Variants in EGR1 observed in about 807,000 individuals in gnomAD.
The protein encoded by EGR1 is early growth response 1.
Under a neutral mutation model 30.2 loss-of-function variants are expected in EGR1, and 8 were observed. The observed-to-expected ratio is 0.26, with a 90% CI of 0.16 to 0.48. EGR1 has a LOEUF of 0.48. EGR1 is among the 20% of genes least tolerant of loss of function. EGR1 has a pLI of 0.99. For synonymous variants in EGR1, 334 were observed against 312.8 expected, an observed-to-expected ratio of 1.07 and a Z score of -0.72; for missense variants, 568 against 732.3, an observed-to-expected ratio of 0.78 and a Z score of 2.59.
At chr5:138,466,098 C>G (rs773555312) in intron 1 of EGR1, 30 bp downstream of exon 1, 1 of 1,520,712 alleles carries the variant, frequency 6.6e-7, no homozygotes, top group African/African-American at 1.4e-5. Flanking sequence ...GAGGGGGAAC[C>G]CTTTCGCCAC....
In EGR1 at chr5:138,467,432, C is replaced by T; in HGVS notation, c.983C>T (p.Pro328Leu). 6.2e-7 allele frequency: 1 copy of T among 1,614,200 alleles called. No homozygotes were observed. The highest frequency in any genetic ancestry group is 8.5e-7 in the Non-Finnish European group (1 of 1,180,054). Reference sequence around the variant, plus strand: ...CGCATGCGCAAGTACCCCAACCGGCCCAGCAAGACGCCCCCCCACGAACGC... The same window carrying T: ...CGCATGCGCAAGTACCCCAACCGGCTCAGCAAGACGCCCCCCCACGAACGC... Reference protein sequence around the residue: ...PSRMRKYPNRPSKTPPHERPY... With the variant: ...PSRMRKYPNRLSKTPPHERPY... Residue 328 changes from proline (P) to leucine (L), a missense_variant, in exon 2 of 2, where the codon CCC (proline) becomes CTC (leucine). Pro to Leu is a moderately conservative substitution (Grantham distance 98). Transcript: ENST00000239938. This position sits in a 1 kb window ranked among gnomAD's most constrained non-coding sequence, Gnocchi z 8.3.
rs888426996 is a variant in EGR1 at position 138,465,565 on chromosome 5, C to A, written c.-197C>A. 5 of 429,880 alleles carry A rather than the reference C, an allele frequency of 1.2e-5. No individual in the cohort carries two copies. Among genetic ancestry groups the A allele is most frequent in the Non-Finnish European group, 1.9e-5 (5 of 265,020 alleles). 26.6% of individuals were successfully genotyped at this position (429,880 alleles called of 1,614,324 possible). A position where few individuals can be genotyped will look rare whatever the true frequency, so the allele number is the denominator to read the frequency against. On this transcript the variant is annotated 5_prime_UTR_variant, in exon 1 of 2. Coordinates refer to ENST00000239938, the MANE Select transcript of EGR1 (RefSeq NM_001964.3). ...TCCGCCGCCGCAGGACCGGCCCCTG[C>A]CCCAGCCTCCGCAGCCGCGGCGCGT...
At position 138,468,231 on chromosome 5, in the gene EGR1, G is replaced by C. The variant is rs1467187635; in HGVS notation, c.*150G>C. 6.7e-7 allele frequency: 1 copy of C among 1,491,104 alleles called. No individual in the cohort carries two copies. Among genetic ancestry groups the C allele is most frequent in the Non-Finnish European group, 9.0e-7 (1 of 1,108,028 alleles). 92.4% of individuals were successfully genotyped at this position (1,491,104 alleles called of 1,614,324 possible). A position where few individuals can be genotyped will look rare whatever the true frequency, so the allele number is the denominator to read the frequency against. On this transcript the variant is annotated 3_prime_UTR_variant, in exon 2 of 2. Transcript: ENST00000239938. ...GTCCTCCCTCTCTACTGGAGTGGAA[G>C]GTCTATTGGCCAACAATCCTTTCTG...
At position 138,468,329 on chromosome 5, in the gene EGR1, C is replaced by T. The variant is rs1229617204; in HGVS notation, c.*248C>T. The T allele has an allele frequency of 4.0e-6, 3 of 758,396 alleles. No individual in the cohort carries two copies. The highest frequency in any genetic ancestry group is 6.7e-6 in the Non-Finnish European group (3 of 449,678). The allele number at this position is 758,396 out of a possible 1,614,324, so 47.0% of individuals were successfully genotyped here. ...GAAACAGCCATGTCCAAGTTCTTCA[C>T]CTCTATCCAAAGAACTTGATTTGCA... On this transcript the variant is annotated 3_prime_UTR_variant, in exon 2 of 2. Coordinates refer to ENST00000239938, the MANE Select transcript of EGR1 (RefSeq NM_001964.3).
chr5:138,466,612 A>G (rs1764161368), intron 1 of EGR1, 145 bp from the exon 2 acceptor site: 2 of 922,482 alleles, frequency 2.2e-6, no homozygotes, highest in Admixed American at 2.3e-5. Flanking sequence ...GTCCAGGAAC[A>G]TTGCAATGTG....
chr5:138,469,176 A>G lies in EGR1; in HGVS notation c.*1095A>G, dbSNP rs34219635. The G allele has an allele frequency of 9.9e-5, 15 of 152,270 alleles. No homozygotes were observed. The highest frequency in any genetic ancestry group is 7.7e-4 in the East Asian group (4 of 5,192). 9.4% of individuals were successfully genotyped at this position (152,270 alleles called of 1,614,324 possible). ...ATGCAGTTCATTATTTTGTGGTTCT[A>G]TTTTACTTTGTACTTGTGTTTGCTT... On this transcript the variant is annotated 3_prime_UTR_variant, in exon 2 of 2. Transcript: ENST00000239938.
chr5:138,466,343 AGCGGG>A (rs1764158045), intron 1 of EGR1, among the ~76,000 whole-genome samples: 1 of 152,128 alleles, frequency 6.6e-6, no homozygotes, highest in Non-Finnish European at 1.5e-5. Context: ...TGTTTTGATG[AGCGGG>A]GCTGCGCCCC....
rs1191792029 is a variant in EGR1, at chr5:138,467,408, G to T, written c.959G>T (p.Arg320Leu). ...CAGTCCCAGCTCATCAAACCCAGCC[G>T]CATGCGCAAGTACCCCAACCGGCCC... is the stretch of plus-strand genomic sequence containing the variant. Reference protein sequence around the residue: ...SYQSQLIKPSRMRKYPNRPSK... With the variant: ...SYQSQLIKPSLMRKYPNRPSK... The change falls in exon 2 of 2, where the codon CGC becomes CTC. Residue 320 changes from arginine (R) to leucine (L), a missense_variant. Physicochemically the swap from Arg to Leu is moderately radical, Grantham distance 102 (BLOSUM62 -2). Around this residue, in one of 4 missense-constraint regions of EGR1, gnomAD observed 415 missense variants for 445.2 expected, o/e 0.93. Transcript: ENST00000239938. This position sits in a 1 kb window ranked among gnomAD's most constrained non-coding sequence, Gnocchi z 8.3. 5.6e-6 allele frequency: 9 copies of T among 1,614,128 alleles called. No homozygotes were observed. Among genetic ancestry groups the T allele is most frequent in the South Asian group, 5.5e-5 (5 of 91,082 alleles).
rs199973871 is a variant in EGR1, at chr5:138,465,960, A to C, written c.199A>C (p.Ser67Arg). The C allele has an allele frequency of 1.2e-6, 2 of 1,611,798 alleles. No individual in the cohort carries two copies. The highest frequency in any genetic ancestry group is 1.1e-5 in the South Asian group (1 of 90,948). The stretch of plus-strand genomic sequence containing the variant: ...CGGCAGCAACAGCAGCAGCAGCAGC[A>C]GCGGGGGCGGTGGAGGCGGCGGGGG... ...GSGSNSSSSS[S>R]GGGGGGGGGS... The change falls in exon 1 of 2, where the codon AGC (serine) becomes CGC (arginine). Residue 67 changes from serine to arginine, a missense_variant. Coordinates refer to ENST00000239938, the MANE Select transcript of EGR1 (RefSeq NM_001964.3).
Position 138,468,264 on chromosome 5 carries a change from C to CG in EGR1, c.*183_*184insG, listed in dbSNP as rs1189451764. ...GGCCAACAATCCTTTCTGCCCACTT[C>CG]CCCTTCCCCAATTACTATTCCCTTT... On this transcript the variant is annotated 3_prime_UTR_variant, in exon 2 of 2. Coordinates refer to ENST00000239938, the MANE Select transcript of EGR1 (RefSeq NM_001964.3). 7.5e-7 allele frequency: 1 copy of CG among 1,330,426 alleles called. No homozygotes were observed. Among genetic ancestry groups the CG allele is most frequent in the South Asian group, 1.3e-5 (1 of 79,092 alleles). The allele number at this position is 1,330,426 out of a possible 1,614,324, so 82.4% of individuals were successfully genotyped here.
In EGR1 at chr5:138,467,214, C is replaced by T. The variant is rs1764169667; in HGVS notation, c.765C>T (p.Tyr255=). 1 of 1,613,202 alleles carries T rather than the reference C, an allele frequency of 6.2e-7. No individual in the cohort carries two copies. The highest frequency in any genetic ancestry group is 1.7e-5 in the Admixed American group (1 of 60,014). The change falls in exon 2 of 2, where the codon TAC becomes TAT. Residue 255 remains tyrosine, a synonymous_variant. Transcript: ENST00000239938. The surrounding 1 kb of genome is among the most constrained non-coding windows in gnomAD (Gnocchi z 8.3). ...TCCAGGTTCCCATGATCCCCGACTA[C>T]CTGTTTCCACAGCAGCAGGGGGATC... is the stretch of plus-strand genomic sequence containing the variant. The part of the protein sequence containing the change: ...GGFQVPMIPD[Y]LFPQQQGDLG...
intron 1 of EGR1, 55 bp downstream of exon 1, chr5:138,466,123 G>A (rs1252360768): frequency 5.4e-6 from 8 of 1,482,290 alleles, no homozygotes; most frequent in Non-Finnish European, 7.1e-6. Flanking sequence ...CTGGCGTCCT[G>A]TCCTTCACCG....
At position 138,468,043 on chromosome 5, in the gene EGR1, A is replaced by G. The variant is rs773465307; in HGVS notation, c.1594A>G (p.Thr532Ala). The change falls in exon 2 of 2, where the codon ACA becomes GCA. Residue 532 changes from threonine (T) to alanine (A), a missense_variant. By Grantham distance (58) the Thr-to-Ala change is moderately conservative (BLOSUM62 0). Around this residue, in one of 4 missense-constraint regions of EGR1, gnomAD observed 118 missense variants for 161.6 expected, o/e 0.73. Coordinates refer to ENST00000239938, the MANE Select transcript of EGR1 (RefSeq NM_001964.3). ...CGCCTCCACAGGGCTTTCGGACATG[A>G]CAGCAACCTTTTCTCCCAGGACAAT... ...FSASTGLSDMTATFSPRTIEI... is the reference protein window; with the variant it reads ...FSASTGLSDMAATFSPRTIEI... 6.3e-7 allele frequency: 1 copy of G among 1,591,148 alleles called. No individual in the cohort carries two copies. The highest frequency in any genetic ancestry group is 1.8e-5 in the Admixed American group (1 of 55,198).
Position 138,465,506 on chromosome 5 carries a change from G to C in EGR1, c.-256G>C, listed in dbSNP as rs1054659794. The C allele has an allele frequency of 4.1e-5, 10 of 242,200 alleles. 1 individual carries two copies. Among genetic ancestry groups the C allele is most frequent in the Non-Finnish European group, 7.0e-5 (9 of 128,686 alleles). The allele number at this position is 242,200 out of a possible 1,614,324, so 15.0% of individuals were successfully genotyped here. A position where few individuals can be genotyped will look rare whatever the true frequency, so the allele number is the denominator to read the frequency against. ...GAGATCCCAGCGCGCAGAACTTGGGGAGCCGCCGCCGCCATCCGCCGCCGC... is the reference window on the plus strand; with the variant it reads ...GAGATCCCAGCGCGCAGAACTTGGGCAGCCGCCGCCGCCATCCGCCGCCGC... On this transcript the variant is annotated 5_prime_UTR_variant, in exon 1 of 2. Coordinates refer to ENST00000239938, the MANE Select transcript of EGR1 (RefSeq NM_001964.3).
In EGR1 at chr5:138,467,117, A is replaced by G. The variant is rs1210402337; in HGVS notation, c.668A>G (p.Gln223Arg). The G allele has an allele frequency of 6.2e-7, 1 of 1,613,668 alleles. No individual in the cohort carries two copies. The highest frequency in any genetic ancestry group is 8.5e-7 in the Non-Finnish European group (1 of 1,180,014). ...NTDIFPEPQS[Q>R]AFPGSAGTAL... ...GACATTTTCCCTGAGCCACAAAGCC[A>G]GGCCTTCCCGGGCTCGGCAGGGACA... Residue 223 changes from glutamine to arginine, a missense_variant, in exon 2 of 2, where the codon CAG (glutamine) becomes CGG (arginine). Coordinates refer to ENST00000239938, the MANE Select transcript of EGR1 (RefSeq NM_001964.3). The surrounding 1 kb of genome is among the most constrained non-coding windows in gnomAD (Gnocchi z 8.3).
chr5:138,468,743 C>G lies in EGR1; in HGVS notation c.*662C>G, dbSNP rs903898394. Reference sequence around the variant, plus strand: ...TCCGTTAACCTTTTTGTAAATACTGCTTGACCGTACTCTCACATGTGGCAA... The same window carrying G: ...TCCGTTAACCTTTTTGTAAATACTGGTTGACCGTACTCTCACATGTGGCAA... On this transcript the variant is annotated 3_prime_UTR_variant, in exon 2 of 2. Coordinates refer to ENST00000239938, the MANE Select transcript of EGR1 (RefSeq NM_001964.3). The G allele has an allele frequency of 6.6e-6, 1 of 151,224 alleles. No homozygotes were observed. Among genetic ancestry groups the G allele is most frequent in the African/African-American group, 2.4e-5 (1 of 41,040 alleles). The allele number at this position is 151,224 out of a possible 1,614,324, so 9.4% of individuals were successfully genotyped here. A position where few individuals can be genotyped will look rare whatever the true frequency, so the allele number is the denominator to read the frequency against.
intron 1 of EGR1, 122 bp from the exon 2 acceptor site, chr5:138,466,635 A>G (rs1764161590): frequency 8.8e-7 from 1 of 1,134,630 alleles, no homozygotes; most frequent in Non-Finnish European, 1.3e-6. Context: ...GCTATCAATT[A>G]TTAACTACCT....
chr5:138,465,726 C>CG lies in EGR1; in HGVS notation c.-35dup. ...GCTCCAGCCCCGGGCTGCACCCCCC[C>CG]GCCCCGACACCAGCTCTCCAGCCTG... On this transcript the variant is annotated 5_prime_UTR_variant, in exon 1 of 2. Coordinates refer to ENST00000239938, the MANE Select transcript of EGR1 (RefSeq NM_001964.3). 6.5e-7 allele frequency: 1 copy of CG among 1,535,730 alleles called. No individual in the cohort carries two copies. Among genetic ancestry groups the CG allele is most frequent in the Non-Finnish European group, 8.8e-7 (1 of 1,140,504 alleles).
intron 1 of EGR1, among the ~76,000 whole-genome samples, chr5:138,466,324 G>T (rs1561814013): frequency 6.6e-6 from 1 of 152,252 alleles, no homozygotes; most frequent in Non-Finnish European, 1.5e-5. Context: ...TGGGTGGAGG[G>T]GGAGGGCTTG....
Sources: allele counts gnomAD v4.1 joint callset (sites outside exome capture counted in the v4.1 genomes callset), GRCh38; gene constraint gnomAD v4.1.1; regional missense constraint gnomAD v4.1.1; non-coding constraint Gnocchi (gnomAD v3.1); transcripts MANE v1.5; gene names NCBI Gene and HGNC (gene_info 2026-07-23, HGNC 2026-07-21).